CFAP54: variants seen among roughly 807,000 people sequenced by gnomAD.
The protein encoded by CFAP54 is cilia and flagella associated protein 54, also known as cilia- and flagella-associated protein 54.
In CFAP54, 290 loss-of-function variants were observed where a neutral mutation model predicts 370.4. The observed-to-expected ratio is 0.78, with a 90% CI of 0.71 to 0.86. CFAP54 has a LOEUF of 0.86. CFAP54 is among the 40% of genes least tolerant of loss of function. CFAP54 has a pLI of 0.00. For missense variants in CFAP54, 3,399 were observed against 3,528.7 expected, an observed-to-expected ratio of 0.96 and a Z score of 0.93; for synonymous variants, 1,206 against 1,236.5, an observed-to-expected ratio of 0.98 and a Z score of 0.52.
Position 96,675,839 on chromosome 12 carries a change from C to CA in CFAP54, c.5564-3755dup, listed in dbSNP as rs1368124561. Among the ~76,000 whole-genome samples the CA allele has an allele frequency of 2.7e-5, 4 of 145,938 alleles. No homozygotes were observed. In the East Asian group the frequency reaches 6.2e-4, roughly 23 times the overall value. On this transcript the variant is annotated intron_variant, in intron 39 of 67. Transcript: ENST00000524981. ...CATTCTCAGCAAACTATCGCAAGGA[C>CA]AAAAAACCAAACACTGCATATTCTC...
At chr12:96,726,152 C>T (rs1291237425) in intron 50 of CFAP54, among the ~76,000 whole-genome samples, 1 of 150,050 alleles carries the variant, frequency 6.7e-6, no homozygotes, top group Non-Finnish European at 1.5e-5. Flanking sequence ...TTGGTTGTGT[C>T]TCTGCCCGGC....
At chr12:96,510,121 C>T (rs61940381) in intron 4 of CFAP54, among the ~76,000 whole-genome samples, 3 of 151,130 alleles carry the variant, frequency 2.0e-5, no homozygotes, top group Admixed American at 6.6e-5. Context: ...GGTGTGGTGG[C>T]GTGTGCCTAT....
At chr12:96,775,430 G>A (rs34469) in intron 60 of CFAP54, among the ~76,000 whole-genome samples, 23,408 of 151,598 alleles carry the variant, frequency 0.15, 2,095 homozygotes, top group Middle Eastern at 0.26. Context: ...TTCCATCCCC[G>A]ACCCAAAAAA....
intron 65 of CFAP54, 69 bp downstream of exon 65, chr12:96,817,982 G>A: frequency 8.9e-7 from 1 of 1,123,120 alleles, no homozygotes; most frequent in Non-Finnish European, 1.2e-6. Context: ...GCAGAACTAT[G>A]TAACTGGACT....
intron 50 of CFAP54, among the ~76,000 whole-genome samples, chr12:96,733,395 G>C (rs1302291251): frequency 6.6e-6 from 1 of 152,104 alleles, no homozygotes; most frequent in Non-Finnish European, 1.5e-5. Flanking sequence ...ACATTCCCTA[G>C]GGTGACAGGT....
At chr12:96,656,307 C>G (rs529701539) in intron 36 of CFAP54, among the ~76,000 whole-genome samples, 5 of 152,136 alleles carry the variant, frequency 3.3e-5, no homozygotes, top group East Asian at 1.9e-4. Flanking sequence ...CTCTCCCCCC[C>G]CCTCCCCTTT....
At chr12:96,798,064 TC>T (rs1312019451) in intron 63 of CFAP54, among the ~76,000 whole-genome samples, 1 of 152,096 alleles carries the variant, frequency 6.6e-6, no homozygotes, top group Non-Finnish European at 1.5e-5. Flanking sequence ...GTGTATTTAC[TC>T]CCCTAATGAC....
chr12:96,783,331 T>G (rs1181639777), intron 60 of CFAP54, among the ~76,000 whole-genome samples: 1 of 152,198 alleles, frequency 6.6e-6, no homozygotes, highest in Non-Finnish European at 1.5e-5. Flanking sequence ...GGTGAGTACA[T>G]GGAGATTCAT....
intron 42 of CFAP54, among the ~76,000 whole-genome samples, chr12:96,685,932 G>A (rs1957325341): frequency 6.6e-6 from 1 of 152,108 alleles, no homozygotes; most frequent in Admixed American, 6.5e-5. Flanking sequence ...GTCAGGCATG[G>A]GCCTCATTCA....
At chr12:96,860,288 C>T (rs921316555) in intron 66 of CFAP54, among the ~76,000 whole-genome samples, 1 of 152,122 alleles carries the variant, frequency 6.6e-6, no homozygotes, top group Non-Finnish European at 1.5e-5. Flanking sequence ...TCTCTCTTCC[C>T]TGTCCTTCCC....
At chr12:96,797,869 A>C (rs1230520049) in intron 63 of CFAP54, among the ~76,000 whole-genome samples, 1 of 151,990 alleles carries the variant, frequency 6.6e-6, no homozygotes, top group African/African-American at 2.4e-5. Context: ...TTTGGTTTAA[A>C]TCTACCTTGC....
chr12:96,554,311 G>C lies in CFAP54; in HGVS notation c.2283+1G>C, dbSNP rs1311989653. 2.0e-6 allele frequency: 3 copies of C among 1,509,260 alleles called. No homozygotes were observed. The highest frequency in any genetic ancestry group is 2.6e-6 in the Non-Finnish European group (3 of 1,138,018). 93.5% of individuals were successfully genotyped at this position (1,509,260 alleles called of 1,614,324 possible). A position where few individuals can be genotyped will look rare whatever the true frequency, so the allele number is the denominator to read the frequency against. On this transcript the variant is annotated splice_donor_variant, in intron 16 of 67. Coordinates refer to ENST00000524981, the MANE Select transcript of CFAP54 (RefSeq NM_001306084.2). LOFTEE classifies it high-confidence loss of function. ...AGTAATTGACCACTGCTATGCCAAG[G>C]TAAGAATGGAAGAGTCTTAAATTAG...
At chr12:96,784,340 A>G (rs1050746421) in intron 60 of CFAP54, among the ~76,000 whole-genome samples, 3 of 152,046 alleles carry the variant, frequency 2.0e-5, no homozygotes, top group Non-Finnish European at 2.9e-5. Flanking sequence ...GCATTTTTCT[A>G]ATTTTTAGTG....
intron 26 of CFAP54, among the ~76,000 whole-genome samples, chr12:96,620,636 A>G (rs757310591): frequency 6.6e-6 from 1 of 152,270 alleles, no homozygotes; most frequent in African/African-American, 2.4e-5. Flanking sequence ...ATATCTACAT[A>G]TAACAAATTC....
chr12:96,721,237 C>G (rs1957749304), intron 50 of CFAP54, among the ~76,000 whole-genome samples: 1 of 151,978 alleles, frequency 6.6e-6, no homozygotes, highest in South Asian at 2.1e-4. Flanking sequence ...TAAAAACAAA[C>G]CTATTTTGAA....
chr12:96,694,735 A>G (rs1356683068), intron 45 of CFAP54, among the ~76,000 whole-genome samples: 1 of 151,790 alleles, frequency 6.6e-6, no homozygotes, highest in Admixed American at 6.6e-5. Flanking sequence ...GAAAAAAAAA[A>G]CCTCAAGGCC....
chr12:96,550,622 G>T (rs969639775), intron 15 of CFAP54, among the ~76,000 whole-genome samples: 5 of 152,118 alleles, frequency 3.3e-5, no homozygotes, highest in African/African-American at 1.2e-4. Context: ...AGAGACTTCT[G>T]TTTCTAGCAA....
intron 58 of CFAP54, among the ~76,000 whole-genome samples, chr12:96,759,980 A>G (rs1958316772): frequency 6.6e-6 from 1 of 152,174 alleles, no homozygotes; most frequent in Admixed American, 6.5e-5. Context: ...ACATTCATTT[A>G]TTTACTCATG....
intron 60 of CFAP54, among the ~76,000 whole-genome samples, chr12:96,782,055 G>T (rs1958585551): frequency 1.3e-5 from 2 of 152,004 alleles, no homozygotes; most frequent in African/African-American, 2.4e-5. Context: ...AAAATCTGTT[G>T]AACTAAGTCA....
Sources: gnomAD v4.1 joint callset for allele counts (sites outside exome capture counted in the v4.1 genomes callset) on GRCh38, gnomAD v4.1.1 for gene constraint, MANE v1.5 for transcripts, NCBI Gene and HGNC (gene_info 2026-07-23, HGNC 2026-07-21) for gene names.